The following GGACT variants were observed in gnomAD, a reference collection of about 807,000 sequenced individuals.
GGACT encodes the protein gamma-glutamylamine cyclotransferase, also known as gamma-glutamylaminecyclotransferase.
For synonymous variants in GGACT, 118 were observed against 115.3 expected (o/e 1.02, Z -0.15); for missense variants, 241 against 233.2 (o/e 1.03, Z -0.22).
At chr13:100,552,738 G>A (rs1286700957) in intron 2 of GGACT, among the ~76,000 whole-genome samples, 2 of 152,198 alleles carry the variant, frequency 1.3e-5, no homozygotes, top group Non-Finnish European at 2.9e-5. Flanking sequence ...CACTCATTCA[G>A]GAGGTACTGA....
chr13:100,549,567 G>C (rs769028092), intron 2 of GGACT, among the ~76,000 whole-genome samples: 1 of 152,238 alleles, frequency 6.6e-6, no homozygotes, highest in Non-Finnish European at 1.5e-5. Flanking sequence ...TTGTGCCAGC[G>C]GCAGGGAGCT....
chr13:100,574,768 T>C (rs1390451225), intron 2 of GGACT, among the ~76,000 whole-genome samples: 1 of 152,022 alleles, frequency 6.6e-6, no homozygotes, highest in Non-Finnish European at 1.5e-5. Context: ...GTAAAAAACC[T>C]GCACAGGTAC....
At chr13:100,579,721 C>T (rs916974587) in intron 2 of GGACT, among the ~76,000 whole-genome samples, 4 of 152,188 alleles carry the variant, frequency 2.6e-5, no homozygotes, top group African/African-American at 7.2e-5. Flanking sequence ...TTCCACATGG[C>T]GGTCTGTGCT....
chr13:100,580,045 C>A (rs1400340920), intron 2 of GGACT: 1 of 152,238 alleles, frequency 6.6e-6, no homozygotes, highest in African/African-American at 2.4e-5. Context: ...GGGTCTAGAC[C>A]TGATGGGTCT....
intron 2 of GGACT, among the ~76,000 whole-genome samples, chr13:100,553,985 G>A (rs928630003): frequency 6.6e-6 from 1 of 151,970 alleles, no homozygotes; most frequent in Non-Finnish European, 1.5e-5. Context: ...TAAAAACAAA[G>A]ATTAACAGTA....
intron 2 of GGACT, among the ~76,000 whole-genome samples, chr13:100,566,734 T>C (rs745912487): frequency 6.6e-6 from 1 of 152,212 alleles, no homozygotes; most frequent in African/African-American, 2.4e-5. Flanking sequence ...GTCATGTCTG[T>C]TTCCCACAAA....
intron 2 of GGACT, chr13:100,539,108 G>A (rs957775319): frequency 2.6e-5 from 4 of 152,158 alleles, no homozygotes; most frequent in Non-Finnish European, 4.4e-5. Context: ...AAGTTTTAAG[G>A]TGAAATGTTT....
intron 2 of GGACT, chr13:100,580,190 T>C (rs1427580103): frequency 6.6e-6 from 1 of 152,152 alleles, no homozygotes; most frequent in Non-Finnish European, 1.5e-5. Flanking sequence ...AGAACAAAGG[T>C]CCCCAGCAAA....
At chr13:100,564,334 G>A (rs559791744) in intron 2 of GGACT, among the ~76,000 whole-genome samples, 1 of 152,126 alleles carries the variant, frequency 6.6e-6, no homozygotes, top group Non-Finnish European at 1.5e-5. Context: ...AACAGAGAAG[G>A]GGCACTCCTT....
chr13:100,534,456 T>A lies in GGACT; in HGVS notation c.-10-1855A>T, dbSNP rs1352656169. Among the ~76,000 whole-genome samples, 2 of 151,930 alleles carry A rather than the reference T, an allele frequency of 1.3e-5. No homozygotes were observed. The highest frequency in any genetic ancestry group is 4.8e-5 in the African/African-American group (2 of 41,336). On this transcript the variant is annotated intron_variant, in intron 2 of 2. Coordinates refer to ENST00000683975, the MANE Select transcript of GGACT (RefSeq NM_001195087.2). The surrounding 1 kb of genome is among the most constrained non-coding windows in gnomAD (Gnocchi z 4.9). ...AGAGGCAAGTGCTCAGGCCTAAAAT[T>A]GCCAGGACTCGGCTGCTGGGGTGTA... is the stretch of plus-strand genomic sequence containing the variant.
chr13:100,586,832 G>A (rs367558386), intron 1 of GGACT: 2 of 152,376 alleles, frequency 1.3e-5, no homozygotes, highest in Admixed American at 6.5e-5. Context: ...GGGGTATCAC[G>A]ATGCCTTTTA....
chr13:100,544,017 A>C (rs1285059165), intron 2 of GGACT, among the ~76,000 whole-genome samples: 1 of 152,110 alleles, frequency 6.6e-6, no homozygotes, highest in African/African-American at 2.4e-5. Context: ...GCAGCCCCAC[A>C]CTGTGCCAGC....
chr13:100,579,009 C>T (rs1425587608), intron 2 of GGACT: 3 of 152,104 alleles, frequency 2.0e-5, no homozygotes, highest in African/African-American at 7.2e-5. Context: ...GGAGTATTCC[C>T]GCATATACTC....
intron 2 of GGACT, among the ~76,000 whole-genome samples, chr13:100,564,333 G>A (rs1023263943): frequency 1.3e-5 from 2 of 152,126 alleles, no homozygotes; most frequent in Non-Finnish European, 2.9e-5. Flanking sequence ...AAACAGAGAA[G>A]GGGCACTCCT....
chr13:100,540,962 G>A (rs1299531497), intron 2 of GGACT, among the ~76,000 whole-genome samples: 2 of 152,236 alleles, frequency 1.3e-5, no homozygotes, highest in African/African-American at 4.8e-5. Flanking sequence ...ATGTTACTGT[G>A]TCTTCAACCC....
Position 100,558,976 on chromosome 13 carries a change from G to A in GGACT, c.-11+24849C>T, listed in dbSNP as rs968996572. Among the ~76,000 whole-genome samples the A allele has an allele frequency of 2.6e-5, 4 of 152,140 alleles. No individual in the cohort carries two copies. In the East Asian group the frequency reaches 7.7e-4, roughly 29 times the overall value. ...TAATTGCCTGGAATTGGGGTGTAGG[G>A]GTGGTGGGTGTGGAGGATGGAGGAG... is the stretch of plus-strand genomic sequence containing the variant. On this transcript the variant is annotated intron_variant, in intron 2 of 2. Transcript: ENST00000683975.
At chr13:100,567,235 G>A (rs1874921794) in intron 2 of GGACT, among the ~76,000 whole-genome samples, 1 of 152,170 alleles carries the variant, frequency 6.6e-6, no homozygotes, top group Non-Finnish European at 1.5e-5. Context: ...ATTTTATGAA[G>A]AGGGATTTTG....
rs889679614 is a variant in GGACT at position 100,545,071 on chromosome 13, AGCGGCCC to A, written c.-10-12477_-10-12471del. On this transcript the variant is annotated intron_variant, in intron 2 of 2. Transcript: ENST00000683975. This position sits in a 1 kb window ranked among gnomAD's most constrained non-coding sequence, Gnocchi z 4.4. ...AGGAACACATGCTGGGCAGGCGGCC[AGCGGCCC>A]AACACTGGAGATGCCGTCAACCTCG... 6.6e-6 allele frequency among the ~76,000 whole-genome samples: 1 copy of A among 152,202 alleles called. No individual in the cohort carries two copies. The highest frequency in any genetic ancestry group is 1.5e-5 in the Non-Finnish European group (1 of 68,026).
At chr13:100,580,883 CGTT>C (rs1444971508) in intron 2 of GGACT, among the ~76,000 whole-genome samples, 4 of 152,178 alleles carry the variant, frequency 2.6e-5, no homozygotes, top group Admixed American at 2.0e-4. Context: ...ACCGGGCTCT[CGTT>C]GTTTAAGTGG....
Sources: gnomAD v4.1 joint callset for allele counts (sites outside exome capture counted in the v4.1 genomes callset) on GRCh38, gnomAD v4.1.1 for gene constraint, Gnocchi (gnomAD v3.1) non-coding constraint, MANE v1.5 for transcripts, NCBI Gene and HGNC (gene_info 2026-07-23, HGNC 2026-07-21) for gene names.